EPB41L1: variants seen among roughly 807,000 people sequenced by gnomAD.
EPB41L1 encodes band 4.1-like protein 1.
EPB41L1 carries 29 observed loss-of-function variants against 97.8 expected under a neutral mutation model. The ratio of observed to expected loss-of-function variants is 0.30; its 90% CI spans 0.22 to 0.40. The LOEUF (loss-of-function observed/expected upper bound fraction) is 0.40. Among genes scored for constraint, EPB41L1 ranks in the 10% least tolerant of loss-of-function variants. The pLI is 1.00. For missense variants in EPB41L1, 812 were observed against 1,162.3 expected (o/e 0.70, Z 4.38); for synonymous variants, 383 against 459.2 (o/e 0.83, Z 2.12).
intron 3 of EPB41L1, among the ~76,000 whole-genome samples, chr20:36,176,917 C>T (rs2061262425): frequency 6.6e-6 from 1 of 152,158 alleles, no homozygotes; most frequent in Non-Finnish European, 1.5e-5. Flanking sequence ...CAGGCATGAG[C>T]CACTGCACCC....
chr20:36,113,176 G>A (rs904892522), intron 2 of EPB41L1, among the ~76,000 whole-genome samples: 6 of 152,194 alleles, frequency 3.9e-5, no homozygotes, highest in African/African-American at 1.4e-4. Context: ...GCGTGTCAAA[G>A]CTTCTTCCCA....
chr20:36,104,954 C>T (rs373701763), intron 1 of EPB41L1, among the ~76,000 whole-genome samples: 1 of 152,160 alleles, frequency 6.6e-6, no homozygotes, highest in Non-Finnish European at 1.5e-5. Context: ...ACATGACAAG[C>T]AAACGTTAAG....
At chr20:36,136,191 G>A (rs2059407864) in intron 2 of EPB41L1, among the ~76,000 whole-genome samples, 1 of 151,970 alleles carries the variant, frequency 6.6e-6, no homozygotes, top group South Asian at 2.1e-4. Flanking sequence ...TGTTTTTTGA[G>A]GGAGGGTCTC....
At chr20:36,175,363 T>C (rs2061182720) in intron 2 of EPB41L1, among the ~76,000 whole-genome samples, 188 bp from the exon 3 acceptor site, 1 of 152,158 alleles carries the variant, frequency 6.6e-6, no homozygotes, top group South Asian at 2.1e-4. Context: ...CCATTATGCA[T>C]GGAAGCCCTG....
At chr20:36,123,102 C>T (rs2058812933) in intron 2 of EPB41L1, among the ~76,000 whole-genome samples, 1 of 151,836 alleles carries the variant, frequency 6.6e-6, no homozygotes, top group Non-Finnish European at 1.5e-5. Context: ...TTCTCTAGGC[C>T]CCCTCCCATG....
chr20:36,105,898 C>T (rs538234839), intron 1 of EPB41L1, among the ~76,000 whole-genome samples: 1 of 152,302 alleles, frequency 6.6e-6, no homozygotes, highest in African/African-American at 2.4e-5. Context: ...GTACCTGCCA[C>T]CTTTTCCCTA....
chr20:36,118,197 T>C (rs2058645727), intron 2 of EPB41L1, among the ~76,000 whole-genome samples: 1 of 152,112 alleles, frequency 6.6e-6, no homozygotes, highest in Non-Finnish European at 1.5e-5. Context: ...ACTGCTTTGT[T>C]TCATTAAATA....
intron 1 of EPB41L1, among the ~76,000 whole-genome samples, chr20:36,169,728 A>G (rs2060903414): frequency 6.6e-6 from 1 of 152,004 alleles, no homozygotes; most frequent in South Asian, 2.1e-4. Context: ...CCCTTTTTTC[A>G]ACACCTAATT....
At chr20:36,106,444 T>A (rs2058194275) in intron 1 of EPB41L1, among the ~76,000 whole-genome samples, 1 of 152,196 alleles carries the variant, frequency 6.6e-6, no homozygotes, top group Admixed American at 6.5e-5. Flanking sequence ...GCTGGGTGAC[T>A]TTGCGCAGGT....
chr20:36,110,200 C>G (rs1167066505), intron 1 of EPB41L1, among the ~76,000 whole-genome samples: 1 of 152,190 alleles, frequency 6.6e-6, no homozygotes, highest in African/African-American at 2.4e-5. Flanking sequence ...CTCGGCCTCC[C>G]AAAGTGCTGG....
intron 2 of EPB41L1, among the ~76,000 whole-genome samples, chr20:36,128,450 A>G (rs1216416954): frequency 6.6e-6 from 1 of 152,188 alleles, no homozygotes; most frequent in Non-Finnish European, 1.5e-5. Context: ...TGTGTGTCAG[A>G]GCTAATGTTT....
At chr20:36,095,261 C>T (rs998681151) in intron 1 of EPB41L1, among the ~76,000 whole-genome samples, 5 of 151,884 alleles carry the variant, frequency 3.3e-5, no homozygotes, top group Non-Finnish European at 5.9e-5. Flanking sequence ...CATGAGCCAC[C>T]GTGCTCGGCC....
rs141022223 is a variant in EPB41L1 at position 36,177,846 on chromosome 20, G to A, written c.343-106G>A. The A allele has an allele frequency of 2.3e-5, 21 of 914,276 alleles. 1 individual carries two copies. Among genetic ancestry groups the A allele is most frequent in the African/African-American group, 2.1e-4 (13 of 61,500 alleles). 56.6% of individuals were successfully genotyped at this position (914,276 alleles called of 1,614,324 possible). On this transcript the variant is annotated intron_variant, in intron 3 of 21. Coordinates refer to ENST00000338074, the MANE Select transcript of EPB41L1 (RefSeq NM_012156.2). ...AGCGCTGCATTCCTGTCCAGACACC[G>A]AAAGGCCCTTGGGGTTTTTGAATTG...
intron 17 of EPB41L1, among the ~76,000 whole-genome samples, chr20:36,217,180 G>A (rs376143303): frequency 1.5e-4 from 23 of 152,196 alleles, no homozygotes; most frequent in African/African-American, 4.6e-4. Context: ...TTTCGAGATC[G>A]GATGAGTCTG....
intron 7 of EPB41L1, among the ~76,000 whole-genome samples, chr20:36,186,885 A>G (rs2061705598): frequency 6.6e-6 from 1 of 152,162 alleles, no homozygotes; most frequent in South Asian, 2.1e-4. Flanking sequence ...GATACACAAG[A>G]CCTGTAATGA....
At position 36,190,645 on chromosome 20, in the gene EPB41L1, C is replaced by A. The variant is rs1569261994; in HGVS notation, c.1148C>A (p.Pro383His). 6.2e-7 allele frequency: 1 copy of A among 1,613,304 alleles called. No individual in the cohort carries two copies. Reference sequence around the variant, plus strand: ...AGGCTGGTGTCCCCTGAGCCCCCACCCAAGGGCTTCCTGGTGATGGGCTCC... The same window carrying A: ...AGGCTGGTGTCCCCTGAGCCCCCACACAAGGGCTTCCTGGTGATGGGCTCC... ...FFRLVSPEPP[P>H]KGFLVMGSKF... The change falls in exon 11 of 22, where the codon CCC becomes CAC. Residue 383 changes from proline (P) to histidine (H), a missense_variant. Pro to His is a moderately conservative substitution (Grantham distance 77). This residue lies in a region of EPB41L1 where 230 missense variants were observed against 445.2 expected (regional missense o/e 0.52). Transcript: ENST00000338074. This position sits in a 1 kb window ranked among gnomAD's most constrained non-coding sequence, Gnocchi z 5.8.
chr20:36,229,361 C>T lies in EPB41L1; in HGVS notation c.*21C>T, dbSNP rs781361214. 11 of 1,600,448 alleles carry T rather than the reference C, an allele frequency of 6.9e-6. No individual in the cohort carries two copies. The South Asian group carries it at 1.1e-4, about 16-fold the overall frequency. ...CCTGACCTCTGTGAAGAGATCCTGG[C>T]ATTTCTGGTCCAACCCAAGCCAGAG... On this transcript the variant is annotated 3_prime_UTR_variant, in exon 22 of 22. Coordinates refer to ENST00000338074, the MANE Select transcript of EPB41L1 (RefSeq NM_012156.2).
chr20:36,097,401 T>C (rs1027221016), intron 1 of EPB41L1, among the ~76,000 whole-genome samples: 2 of 152,246 alleles, frequency 1.3e-5, no homozygotes, highest in African/African-American at 4.8e-5. Context: ...ATTGTTTTGA[T>C]AATTAAATGA....
intron 2 of EPB41L1, among the ~76,000 whole-genome samples, chr20:36,131,486 C>A (rs142644065): frequency 5.9e-5 from 9 of 152,042 alleles, no homozygotes; most frequent in Non-Finnish European, 1.2e-4. Flanking sequence ...TCTGTCCATG[C>A]ATTCATTCAT....
Sources: allele counts gnomAD v4.1 joint callset (sites outside exome capture counted in the v4.1 genomes callset), GRCh38; gene constraint gnomAD v4.1.1; regional missense constraint gnomAD v4.1.1; non-coding constraint Gnocchi (gnomAD v3.1); transcripts MANE v1.5; gene names NCBI Gene and HGNC (gene_info 2026-07-23, HGNC 2026-07-21).